ERC1: variants seen among roughly 807,000 people sequenced by gnomAD.
The protein encoded by ERC1 is RAB6 interacting protein 2.
In ERC1, 56 loss-of-function variants were observed where a neutral mutation model predicts 132.0. The observed-to-expected ratio is 0.42, with a 90% confidence interval of 0.34 to 0.53. ERC1 has a LOEUF of 0.53. Ranked by LOEUF, ERC1 falls within the 20% of genes least tolerant of loss-of-function variation. ERC1 has a pLI of 0.03. For synonymous variants in ERC1, 478 were observed against 476.1 expected (o/e 1.00, Z -0.05); for missense variants, 1,202 against 1,349.9 (o/e 0.89, Z 1.72).
chr12:1,489,668 C>T (rs1014699076), intron 18 of ERC1, among the ~76,000 whole-genome samples: 20 of 152,174 alleles, frequency 1.3e-4, no homozygotes, highest in African/African-American at 4.6e-4. Context: ...GCTAATGTAC[C>T]GGATGAAAGC....
chr12:1,225,951 A>AT (rs1405204467), intron 12 of ERC1, among the ~76,000 whole-genome samples: 1 of 152,060 alleles, frequency 6.6e-6, no homozygotes, highest in Non-Finnish European at 1.5e-5. Flanking sequence ...TAAAAACAGA[A>AT]TTTTTCTCCA....
intron 13 of ERC1, among the ~76,000 whole-genome samples, chr12:1,255,218 A>G (rs1244663718): frequency 6.6e-6 from 1 of 151,364 alleles, no homozygotes; most frequent in Non-Finnish European, 1.5e-5. Flanking sequence ...TTCTTGTGTT[A>G]GTTTGCTGAG....
intron 15 of ERC1, among the ~76,000 whole-genome samples, chr12:1,354,587 CAATGCTAATTATAGTG>C (rs1224226080): frequency 6.6e-6 from 1 of 151,924 alleles, no homozygotes; most frequent in Non-Finnish European, 1.5e-5. Context: ...ATCATGCTGG[CAATGCTAATTATAGTG>C]AGTGTTTACC....
intron 18 of ERC1, among the ~76,000 whole-genome samples, chr12:1,485,416 G>T (rs1195008176): frequency 1.3e-5 from 2 of 151,856 alleles, no homozygotes; most frequent in Admixed American, 6.6e-5. Flanking sequence ...CATTGGCCAG[G>T]CTGGTCTTGA....
intron 2 of ERC1, among the ~76,000 whole-genome samples, chr12:1,031,606 A>G (rs777879706): frequency 1.3e-5 from 2 of 152,282 alleles, no homozygotes; most frequent in East Asian, 1.9e-4. Context: ...TATAACTTCA[A>G]ACTACTTTGC....
chr12:1,238,234 C>G (rs1457056797), intron 13 of ERC1, among the ~76,000 whole-genome samples: 2 of 148,598 alleles, frequency 1.3e-5, no homozygotes, highest in African/African-American at 5.0e-5. Context: ...TTATATTTCT[C>G]TGATTACCAA....
intron 7 of ERC1, among the ~76,000 whole-genome samples, chr12:1,119,685 G>GA (rs1946861787): frequency 6.6e-6 from 1 of 151,902 alleles, no homozygotes; most frequent in African/African-American, 2.4e-5. Context: ...CGAGTAGCTG[G>GA]GATTATAGGC....
At chr12:1,385,470 A>C (rs2089221639) in intron 16 of ERC1, among the ~76,000 whole-genome samples, 1 of 152,146 alleles carries the variant, frequency 6.6e-6, no homozygotes, top group Admixed American at 6.5e-5. Flanking sequence ...TTTTTAGTAG[A>C]GACGGGGGTT....
At chr12:1,256,637 C>T (rs1017908011) in intron 13 of ERC1, among the ~76,000 whole-genome samples, 1 of 150,548 alleles carries the variant, frequency 6.6e-6, no homozygotes, top group African/African-American at 2.5e-5. Flanking sequence ...ATCATAGTCA[C>T]AAGAAAATAT....
At chr12:1,201,309 A>G (rs957848699) in intron 12 of ERC1, among the ~76,000 whole-genome samples, 5 of 152,314 alleles carry the variant, frequency 3.3e-5, no homozygotes, top group African/African-American at 1.2e-4. Flanking sequence ...ACTTTTTACT[A>G]TGATGTGTCT....
chr12:1,270,770 T>A (rs1213664186), intron 14 of ERC1, among the ~76,000 whole-genome samples: 3 of 151,648 alleles, frequency 2.0e-5, no homozygotes, highest in Non-Finnish European at 4.4e-5. Flanking sequence ...TATTAAAATA[T>A]CAAATTTAAA....
Position 1,027,758 on chromosome 12 carries a change from AG to A in ERC1, c.-145del. 1.5e-6 allele frequency: 1 copy of A among 653,902 alleles called. No homozygotes were observed. Among genetic ancestry groups the A allele is most frequent in the Non-Finnish European group, 2.7e-6 (1 of 370,154 alleles). The allele number at this position is 653,902 out of a possible 1,614,324, so 40.5% of individuals were successfully genotyped here. ...ATCTTTTCATTACAGATATGGTGTA[AG>A]ATACTTCTTCAAGATTGGACAGCTG... On this transcript the variant is annotated 5_prime_UTR_variant, in exon 2 of 19. Coordinates refer to ENST00000360905, the MANE Select transcript of ERC1 (RefSeq NM_178040.4).
intron 12 of ERC1, among the ~76,000 whole-genome samples, chr12:1,219,210 A>G (rs929088109): frequency 7.2e-5 from 11 of 152,268 alleles, no homozygotes; most frequent in African/African-American, 2.6e-4. Flanking sequence ...ATTATCAAAA[A>G]CACAGCAATA....
chr12:1,431,730 A>G (rs2092803152), intron 17 of ERC1, among the ~76,000 whole-genome samples: 1 of 152,116 alleles, frequency 6.6e-6, no homozygotes, highest in Admixed American at 6.5e-5. Context: ...TTGTGAATGG[A>G]TTTTTTAAGA....
chr12:1,141,138 A>G (rs1161723997), intron 7 of ERC1, among the ~76,000 whole-genome samples: 1 of 152,218 alleles, frequency 6.6e-6, no homozygotes, highest in Non-Finnish European at 1.5e-5. Context: ...CTTGCTGTCT[A>G]AAAAGTAGAC....
Position 1,490,349 on chromosome 12 carries a change from T to C in ERC1, c.*119T>C. ...CACTACAAACTTCATCCCAACTTGC[T>C]CACTTGAAGAAGTGTGATTCCAGCA... On this transcript the variant is annotated 3_prime_UTR_variant, in exon 19 of 19. Transcript: ENST00000360905. The C allele has an allele frequency of 1.0e-6, 1 of 972,232 alleles. No homozygotes were observed. The highest frequency in any genetic ancestry group is 1.5e-6 in the Non-Finnish European group (1 of 665,652). 60.2% of individuals were successfully genotyped at this position (972,232 alleles called of 1,614,324 possible). A position where few individuals can be genotyped will look rare whatever the true frequency, so the allele number is the denominator to read the frequency against.
chr12:1,104,320 C>T (rs1251514269), intron 3 of ERC1, among the ~76,000 whole-genome samples: 1 of 152,124 alleles, frequency 6.6e-6, no homozygotes, highest in East Asian at 1.9e-4. Context: ...AGATTGCTTT[C>T]CACAGCTGCA....
At chr12:1,433,978 CAAAAAAAA>C (rs763612916) in intron 17 of ERC1, among the ~76,000 whole-genome samples, 2 of 46,298 alleles carry the variant, frequency 4.3e-5, no homozygotes, top group Non-Finnish European at 9.5e-5. Flanking sequence ...GACCCTGTCT[CAAAAAAAA>C]AAAAAAAAAA....
At chr12:1,393,850 C>T (rs1282625419) in intron 16 of ERC1, among the ~76,000 whole-genome samples, 2 of 148,542 alleles carry the variant, frequency 1.3e-5, no homozygotes, top group Admixed American at 1.3e-4. Context: ...CCCGTCTCTA[C>T]TAAAACGACA....
Sources: allele counts gnomAD v4.1 joint callset (sites outside exome capture counted in the v4.1 genomes callset), GRCh38; gene constraint gnomAD v4.1.1; transcripts MANE v1.5; gene names NCBI Gene and HGNC (gene_info 2026-07-23, HGNC 2026-07-21).